Variants in NBEA observed in about 807,000 individuals in gnomAD.
NBEA encodes the protein lysosomal-trafficking regulator 2.
NBEA carries 44 observed loss-of-function variants against 343.4 expected under a neutral mutation model. That is an observed-to-expected ratio of 0.13 (90% CI 0.10 to 0.16). The LOEUF (loss-of-function observed/expected upper bound fraction) is 0.16, where lower values mean the gene tolerates loss of function less well. NBEA is among the 10% of genes least tolerant of loss of function. NBEA has a pLI of 1.00. For missense variants in NBEA, 2,555 were observed against 3,631.3 expected (o/e 0.70, Z 7.62); for synonymous variants, 1,175 against 1,238.7 (o/e 0.95, Z 1.08).
intron 11 of NBEA, among the ~76,000 whole-genome samples, chr13:35,104,469 A>C (rs1385267845): frequency 2.0e-5 from 3 of 151,946 alleles, no homozygotes; most frequent in Non-Finnish European, 4.4e-5. Flanking sequence ...AGCTCAGTAA[A>C]TGGTTGTTGA....
At chr13:35,110,523 CTTT>C (rs1023255150) in intron 12 of NBEA, among the ~76,000 whole-genome samples, 1 of 151,882 alleles carries the variant, frequency 6.6e-6, no homozygotes, top group African/African-American at 2.4e-5. Flanking sequence ...ATATTTTAAT[CTTT>C]TTATCAGATT....
At chr13:35,087,230 C>T (rs908619192) in intron 10 of NBEA, among the ~76,000 whole-genome samples, 1 of 151,120 alleles carries the variant, frequency 6.6e-6, no homozygotes, top group African/African-American at 2.4e-5. Flanking sequence ...TGTACTGAAA[C>T]AATAAAACAA....
intron 43 of NBEA, among the ~76,000 whole-genome samples, chr13:35,552,189 C>T (rs1330818309): frequency 6.6e-6 from 1 of 152,168 alleles, no homozygotes. Flanking sequence ...TTTGTCTATC[C>T]TCCCTTAAAT....
At chr13:35,348,908 C>G (rs926999336) in intron 36 of NBEA, among the ~76,000 whole-genome samples, 200 bp from the exon 37 acceptor site, 1 of 151,962 alleles carries the variant, frequency 6.6e-6, no homozygotes, top group African/African-American at 2.4e-5. Context: ...CACTATTTAA[C>G]AGAGGAATTG....
intron 11 of NBEA, among the ~76,000 whole-genome samples, chr13:35,105,741 A>T (rs2065889378): frequency 6.6e-6 from 1 of 152,008 alleles, no homozygotes; most frequent in Admixed American, 6.6e-5. Flanking sequence ...ATCTGGTTGG[A>T]TTAGGCTATT....
rs9574178 is a variant in NBEA at position 35,584,786 on chromosome 13, C to T, written c.7176+748C>T. ...AAGTACTGGGATTACAGGCGTGAGC[C>T]ACCACGCCCGGCCCAGCTATTATTT... is the stretch of plus-strand genomic sequence containing the variant. On this transcript the variant is annotated intron_variant, in intron 46 of 58. Transcript: ENST00000379939. Among the ~76,000 whole-genome samples, 6 of 152,186 alleles carry T rather than the reference C, an allele frequency of 3.9e-5. No homozygotes were observed. The East Asian group carries it at 1.2e-3, about 30-fold the overall frequency.
At chr13:35,184,385 T>G (rs1425595949) in intron 30 of NBEA, among the ~76,000 whole-genome samples, 1 of 152,122 alleles carries the variant, frequency 6.6e-6, no homozygotes. Flanking sequence ...GAGCCTAATA[T>G]AAAGGCTACT....
At chr13:35,210,227 A>G (rs1433805038) in intron 32 of NBEA, among the ~76,000 whole-genome samples, 2 of 151,918 alleles carry the variant, frequency 1.3e-5, no homozygotes, top group Non-Finnish European at 2.9e-5. Context: ...ATGATAATAT[A>G]AAGTATATAA....
intron 24 of NBEA, chr13:35,164,946 G>C (rs1036183376): frequency 2.6e-6 from 1 of 381,452 alleles, no homozygotes; most frequent in South Asian, 2.1e-5. Flanking sequence ...TGTTAATTGT[G>C]TATGTCATTT....
intron 38 of NBEA, among the ~76,000 whole-genome samples, chr13:35,391,165 C>T (rs1256073142): frequency 6.6e-6 from 1 of 151,790 alleles, no homozygotes; most frequent in Non-Finnish European, 1.5e-5. Flanking sequence ...ATCCCTGCTC[C>T]TGGGGATGCT....
chr13:35,279,951 A>G (rs552724626), intron 34 of NBEA, among the ~76,000 whole-genome samples: 5 of 152,286 alleles, frequency 3.3e-5, no homozygotes, highest in East Asian at 3.9e-4. Flanking sequence ...TCTGCCCATC[A>G]TGGGTGTGTC....
intron 17 of NBEA, among the ~76,000 whole-genome samples, chr13:35,125,896 A>G (rs529895319): frequency 6.6e-6 from 1 of 152,304 alleles, no homozygotes; most frequent in South Asian, 2.1e-4. Context: ...GAATTTGGAG[A>G]AGTAATCCAG....
At chr13:35,503,740 C>T (rs2076974655) in intron 41 of NBEA, among the ~76,000 whole-genome samples, 1 of 151,998 alleles carries the variant, frequency 6.6e-6, no homozygotes, top group African/African-American at 2.4e-5. Flanking sequence ...TGTAAAATAG[C>T]ATATTGGATT....
intron 33 of NBEA, among the ~76,000 whole-genome samples, chr13:35,230,077 G>A (rs1249932700): frequency 1.3e-5 from 2 of 151,952 alleles, no homozygotes; most frequent in Non-Finnish European, 2.9e-5. Flanking sequence ...TGATACGTAA[G>A]AGCAACATTT....
At chr13:35,515,904 T>C (rs926437254) in intron 41 of NBEA, among the ~76,000 whole-genome samples, 1 of 152,230 alleles carries the variant, frequency 6.6e-6, no homozygotes. Flanking sequence ...GCACATATTA[T>C]ATCACACACA....
chr13:35,157,347 C>A, intron 21 of NBEA, 77 bp downstream of exon 21: 1 of 1,116,322 alleles, frequency 9.0e-7, no homozygotes, highest in Non-Finnish European at 1.2e-6. Flanking sequence ...GCATCTGGTG[C>A]CATCTTGTGG....
At chr13:35,369,757 T>C (rs938626232) in intron 38 of NBEA, among the ~76,000 whole-genome samples, 3 of 152,000 alleles carry the variant, frequency 2.0e-5, no homozygotes, top group African/African-American at 4.8e-5. Flanking sequence ...GTGGAGTCTT[T>C]AGGTTTTTCT....
chr13:35,367,113 A>G (rs1277774289), intron 38 of NBEA, among the ~76,000 whole-genome samples: 2 of 151,332 alleles, frequency 1.3e-5, no homozygotes, highest in East Asian at 1.9e-4. Flanking sequence ...GTGAAAAATC[A>G]TAGAATTTAT....
intron 1 of NBEA, among the ~76,000 whole-genome samples, chr13:35,017,480 G>A (rs1318270944): frequency 1.3e-5 from 2 of 152,132 alleles, no homozygotes; most frequent in African/African-American, 2.4e-5. Flanking sequence ...CATACTTGGT[G>A]TTGTCAGTCT....
Sources: gnomAD v4.1 joint callset for allele counts (sites outside exome capture counted in the v4.1 genomes callset) on GRCh38, gnomAD v4.1.1 for gene constraint, MANE v1.5 for transcripts, NCBI Gene and HGNC (gene_info 2026-07-23, HGNC 2026-07-21) for gene names.